PKNOX2: variants seen among roughly 807,000 people sequenced by gnomAD.
PKNOX2 encodes homeobox protein PKNOX2.
A neutral mutation model predicts 53.1 loss-of-function variants in PKNOX2; 14 were observed. That is an observed-to-expected ratio of 0.26 (90% CI 0.17 to 0.41). The LOEUF (loss-of-function observed/expected upper bound fraction) is 0.41. PKNOX2 is among the 10% of genes least tolerant of loss of function. PKNOX2 has a pLI of 1.00. For synonymous variants in PKNOX2, 257 were observed against 242.8 expected (o/e 1.06, Z -0.54); for missense variants, 496 against 602.8 (o/e 0.82, Z 1.85).
At chr11:125,274,633 G>A (rs916942454) in intron 2 of PKNOX2, among the ~76,000 whole-genome samples, 1 of 152,254 alleles carries the variant, frequency 6.6e-6, no homozygotes, top group Non-Finnish European at 1.5e-5. Context: ...CTGCAGCTAG[G>A]AGGACTTGAC....
At chr11:125,251,195 A>T (rs996099497) in intron 2 of PKNOX2, among the ~76,000 whole-genome samples, 5 of 152,122 alleles carry the variant, frequency 3.3e-5, no homozygotes, top group Admixed American at 3.3e-4. Flanking sequence ...TTCAGTTCTA[A>T]TTATGTTGAT....
intron 2 of PKNOX2, among the ~76,000 whole-genome samples, chr11:125,290,271 G>A (rs1416244758): frequency 6.6e-6 from 1 of 152,230 alleles, no homozygotes; most frequent in African/African-American, 2.4e-5. Context: ...GCTCTGCCCA[G>A]CTACTGGTGG....
At position 125,411,843 on chromosome 11, in the gene PKNOX2, C is replaced by A. The variant is rs780034819; in HGVS notation, c.914C>A (p.Ser305Tyr). The A allele has an allele frequency of 6.2e-6, 10 of 1,614,036 alleles. No individual in the cohort carries two copies. In the Admixed American group the frequency reaches 1.5e-4, roughly 24 times the overall value. Residue 305 changes from serine (S) to tyrosine (Y), a missense_variant, in exon 10 of 13, where the codon TCT (serine) becomes TAT (tyrosine). Around this residue, in one of 5 missense-constraint regions of PKNOX2, gnomAD observed 36 missense variants for 81.9 expected, o/e 0.44. Coordinates refer to ENST00000298282, the MANE Select transcript of PKNOX2 (RefSeq NM_001382323.2). Reference protein sequence around the residue: ...LPKHATNIMRSWLFQHLMHPY... With the variant: ...LPKHATNIMRYWLFQHLMHPY... ...AAGCATGCCACCAATATAATGCGTTCTTGGCTCTTCCAGCATCTCATGGTG... is the reference window on the plus strand; with the variant it reads ...AAGCATGCCACCAATATAATGCGTTATTGGCTCTTCCAGCATCTCATGGTG...
At chr11:125,345,169 C>T (rs546478057) in intron 3 of PKNOX2, among the ~76,000 whole-genome samples, 25 of 152,268 alleles carry the variant, frequency 1.6e-4, no homozygotes, top group East Asian at 3.9e-4. Flanking sequence ...AAGAGGCAGG[C>T]GAGGGTGTTT....
intron 9 of PKNOX2, 121 bp from the exon 10 acceptor site, chr11:125,411,625 G>A (rs1472368943): frequency 1.3e-6 from 2 of 1,528,184 alleles, no homozygotes; most frequent in East Asian, 2.3e-5. Context: ...ACCTCCCCAG[G>A]GCCCTAGGAA....
At chr11:125,170,229 T>C (rs557161488) in intron 1 of PKNOX2, among the ~76,000 whole-genome samples, 2 of 152,230 alleles carry the variant, frequency 1.3e-5, no homozygotes, top group Non-Finnish European at 2.9e-5. Flanking sequence ...GCTCGTAGAC[T>C]CCTTCTGTTC....
At chr11:125,286,632 G>A (rs1050543394) in intron 2 of PKNOX2, among the ~76,000 whole-genome samples, 23 of 152,202 alleles carry the variant, frequency 1.5e-4, no homozygotes, top group African/African-American at 4.8e-4. Flanking sequence ...GTCGCCTGCC[G>A]GGCCCTCCTG....
rs188386749 is a variant in PKNOX2, at chr11:125,170,284, C to T, written c.-201+5508C>T. ...GCTAGCTCTGATCCTGGAGACGCGG[C>T]TCTGGTGGAATGCTTGTCTTTAATA... On this transcript the variant is annotated intron_variant, in intron 1 of 12. Coordinates refer to ENST00000298282, the MANE Select transcript of PKNOX2 (RefSeq NM_001382323.2). Among the ~76,000 whole-genome samples, 4 of 152,312 alleles carry T rather than the reference C, an allele frequency of 2.6e-5. No individual in the cohort carries two copies. In the South Asian group the frequency reaches 6.2e-4, roughly 24 times the overall value.
At chr11:125,265,059 C>G (rs773334205) in intron 2 of PKNOX2, among the ~76,000 whole-genome samples, 1 of 152,090 alleles carries the variant, frequency 6.6e-6, no homozygotes, top group Non-Finnish European at 1.5e-5. Flanking sequence ...GAGGCGAAGG[C>G]GGGCAGATCA....
At chr11:125,339,106 C>T (rs1229095102) in intron 3 of PKNOX2, among the ~76,000 whole-genome samples, 1 of 152,178 alleles carries the variant, frequency 6.6e-6, no homozygotes, top group African/African-American at 2.4e-5. Flanking sequence ...AAACCATAGC[C>T]CCTTTCCAAG....
chr11:125,277,671 TTAGA>T (rs1468089076), intron 2 of PKNOX2: 2 of 152,112 alleles, frequency 1.3e-5, no homozygotes, highest in African/African-American at 4.8e-5. Context: ...AAAAATAAAA[TTAGA>T]TAGAAGGAAT....
chr11:125,213,995 G>C (rs1384580601), intron 1 of PKNOX2, among the ~76,000 whole-genome samples: 1 of 152,072 alleles, frequency 6.6e-6, no homozygotes, highest in Admixed American at 6.5e-5. Context: ...TGGCCTTTTG[G>C]CTCGGCTATC....
At chr11:125,354,266 T>C (rs1037140978) in intron 4 of PKNOX2, among the ~76,000 whole-genome samples, 7 of 152,208 alleles carry the variant, frequency 4.6e-5, no homozygotes, top group Admixed American at 2.0e-4. Context: ...AAGCAGGACC[T>C]GATGGGAACA....
intron 1 of PKNOX2, among the ~76,000 whole-genome samples, chr11:125,189,447 GTA>G (rs58968290): frequency 0.017 from 406 of 23,394 alleles, 3 homozygotes; most frequent in African/African-American, 0.025. Flanking sequence ...GTGTGTGTGT[GTA>G]TATATATATA....
At chr11:125,270,066 A>T (rs1945671274) in intron 2 of PKNOX2, among the ~76,000 whole-genome samples, 1 of 152,128 alleles carries the variant, frequency 6.6e-6, no homozygotes, top group Non-Finnish European at 1.5e-5. Flanking sequence ...TTTTCCATTC[A>T]ATGGTCTTTC....
intron 2 of PKNOX2, among the ~76,000 whole-genome samples, chr11:125,250,629 G>A (rs559532554): frequency 1.3e-5 from 2 of 152,310 alleles, no homozygotes; most frequent in South Asian, 2.1e-4. Context: ...TTTTTATATC[G>A]AGGGTGTCTA....
chr11:125,416,208 C>A (rs1236599154), intron 10 of PKNOX2, among the ~76,000 whole-genome samples: 1 of 144,046 alleles, frequency 6.9e-6, no homozygotes. Context: ...GAGGCTGAGG[C>A]AGGAGAATGG....
intron 2 of PKNOX2, among the ~76,000 whole-genome samples, chr11:125,248,062 C>T (rs1450381187): frequency 1.3e-5 from 2 of 152,196 alleles, no homozygotes; most frequent in South Asian, 4.1e-4. Context: ...TGTCAGTCCT[C>T]GGTCCATGGC....
At chr11:125,428,940 G>A (rs564455038) in intron 10 of PKNOX2, 72 bp from the exon 11 acceptor site, 179 of 1,462,444 alleles carry the variant, frequency 1.2e-4, no homozygotes, top group South Asian at 4.1e-4. Flanking sequence ...TGCCCATGGC[G>A]TGGGCACAGT....
Sources: gnomAD v4.1 joint callset for allele counts (sites outside exome capture counted in the v4.1 genomes callset) on GRCh38, gnomAD v4.1.1 for gene constraint, gnomAD v4.1.1 regional missense constraint, MANE v1.5 for transcripts, NCBI Gene and HGNC (gene_info 2026-07-23, HGNC 2026-07-21) for gene names.